PEDS1: variants seen among roughly 807,000 people sequenced by gnomAD.
PEDS1 encodes the protein plasmanylethanolamine desaturase 1, also known as CarF homolog.
PEDS1 carries 14 observed loss-of-function variants against 35.2 expected under a neutral mutation model. The ratio of observed to expected loss-of-function variants is 0.40; its 90% CI spans 0.26 to 0.62. The LOEUF is 0.62. PEDS1 is among the 20% of genes least tolerant of loss of function. The pLI is 0.44. For missense variants in PEDS1, 260 were observed against 367.8 expected (o/e 0.71, Z 2.40); for synonymous variants, 152 against 152.0 (o/e 1.00, Z 0.00).
At position 50,128,314 on chromosome 20, in the gene PEDS1, C is replaced by T. The variant is rs576094834; in HGVS notation, c.479-127G>A. The T allele has an allele frequency of 8.3e-7, 1 of 1,210,372 alleles. No homozygotes were observed. Among genetic ancestry groups the T allele is most frequent in the Middle Eastern group, 2.7e-4 (1 of 3,708 alleles). 75.0% of individuals were successfully genotyped at this position (1,210,372 alleles called of 1,614,324 possible). The stretch of plus-strand genomic sequence containing the variant: ...GGCAAGCACCCAGGATTCTCTTCCA[C>T]CCCCTGCAGGGCCGCAGGCAAGCTC... On this transcript the variant is annotated intron_variant, in intron 4 of 5. Transcript: ENST00000371652. This position sits in a 1 kb window ranked among gnomAD's most constrained non-coding sequence, Gnocchi z 5.2.
intron 2 of PEDS1, among the ~76,000 whole-genome samples, 194 bp downstream of exon 2, chr20:50,143,308 T>C (rs1418268226): frequency 6.6e-6 from 1 of 152,076 alleles, no homozygotes; most frequent in African/African-American, 2.4e-5. Flanking sequence ...CTGAGGATCA[T>C]GTTTAGGTTT....
chr20:50,132,109 C>T (rs940636715), intron 2 of PEDS1, among the ~76,000 whole-genome samples: 2 of 152,118 alleles, frequency 1.3e-5, no homozygotes, highest in African/African-American at 4.8e-5. Context: ...GAGGCTGAAG[C>T]AGGAGAATGG....
At chr20:50,137,723 T>C (rs1169828274) in intron 2 of PEDS1, among the ~76,000 whole-genome samples, 1 of 152,124 alleles carries the variant, frequency 6.6e-6, no homozygotes, top group African/African-American at 2.4e-5. Context: ...ACGCAAAAAT[T>C]AGCCGGGCGT....
chr20:50,128,322 A>C lies in PEDS1; in HGVS notation c.479-135T>G. ...CCCAGGATTCTCTTCCACCCCCTGC[A>C]GGGCCGCAGGCAAGCTCAGGTGCTG... On this transcript the variant is annotated intron_variant, in intron 4 of 5. Coordinates refer to ENST00000371652, the MANE Select transcript of PEDS1 (RefSeq NM_199129.4). The surrounding 1 kb of genome is among the most constrained non-coding windows in gnomAD (Gnocchi z 5.2). 9.1e-7 allele frequency: 1 copy of C among 1,095,854 alleles called. No individual in the cohort carries two copies. The highest frequency in any genetic ancestry group is 1.5e-5 in the South Asian group (1 of 65,526). 67.9% of individuals were successfully genotyped at this position (1,095,854 alleles called of 1,614,324 possible).
Position 50,153,688 on chromosome 20 carries a change from G to A in PEDS1, c.-51C>T, listed in dbSNP as rs1217352920. The A allele has an allele frequency of 3.3e-6, 4 of 1,197,318 alleles. No homozygotes were observed. The highest frequency in any genetic ancestry group is 1.6e-5 in the African/African-American group (1 of 62,722). The allele number at this position is 1,197,318 out of a possible 1,614,324, so 74.2% of individuals were successfully genotyped here. A position where few individuals can be genotyped will look rare whatever the true frequency, so the allele number is the denominator to read the frequency against. On this transcript the variant is annotated 5_prime_UTR_variant, in exon 1 of 6. Coordinates refer to ENST00000371652, the MANE Select transcript of PEDS1 (RefSeq NM_199129.4). Reference sequence around the variant, plus strand: ...CGCTCTGCTGGCGGCGGCGGCGGCAGGGCCGCGGAACCGCGGCGAGATCAC... The same window carrying A: ...CGCTCTGCTGGCGGCGGCGGCGGCAAGGCCGCGGAACCGCGGCGAGATCAC...
intron 2 of PEDS1, among the ~76,000 whole-genome samples, chr20:50,142,003 G>A (rs557410261): frequency 2.8e-4 from 42 of 152,330 alleles, no homozygotes; most frequent in Admixed American, 4.6e-4. Flanking sequence ...CGGGGATGGG[G>A]AGGGGAAGGG....
chr20:50,139,696 T>C (rs111952106), intron 2 of PEDS1, among the ~76,000 whole-genome samples: 5 of 140,838 alleles, frequency 3.6e-5, no homozygotes, highest in South Asian at 2.2e-4. Context: ...TTTTTTTTTT[T>C]CCAGAGGAAG....
At chr20:50,131,001 C>A (rs1045073196) in intron 2 of PEDS1, 54 bp from the exon 3 acceptor site, 2 of 1,613,894 alleles carry the variant, frequency 1.2e-6, no homozygotes, top group Non-Finnish European at 1.7e-6. Context: ...CAATCAGAAT[C>A]ACTCATTCAT....
chr20:50,147,229 T>C (rs1335444521), intron 1 of PEDS1, among the ~76,000 whole-genome samples: 1 of 152,188 alleles, frequency 6.6e-6, no homozygotes, highest in Non-Finnish European at 1.5e-5. Flanking sequence ...GCCCTCAGTT[T>C]TAAAAAGTGA....
At chr20:50,140,878 G>A (rs967808632) in intron 2 of PEDS1, among the ~76,000 whole-genome samples, 9 of 152,124 alleles carry the variant, frequency 5.9e-5, no homozygotes, top group African/African-American at 2.2e-4. Context: ...TATTTAAATC[G>A]ATTAGGGACT....
chr20:50,133,494 C>T lies in PEDS1; in HGVS notation c.242-2547G>A, dbSNP rs78334245. ...CAGCAAGGCCCCAGAGCCTGTGCAC[C>T]CAGTGGCCCTGCTCTGGTCTGGGCA... is the stretch of plus-strand genomic sequence containing the variant. On this transcript the variant is annotated intron_variant, in intron 2 of 5. Coordinates refer to ENST00000371652, the MANE Select transcript of PEDS1 (RefSeq NM_199129.4). 1.0e-3 allele frequency among the ~76,000 whole-genome samples: 156 copies of T among 152,282 alleles called. 3 individuals are homozygous for T. In the East Asian group the frequency reaches 0.029, roughly 28 times the overall value.
At chr20:50,151,350 G>T in intron 1 of PEDS1, 1 of 1,247,268 alleles carries the variant, frequency 8.0e-7, no homozygotes, top group Non-Finnish European at 1.1e-6. Context: ...ATATGCAATT[G>T]ATCGTGGTGG....
intron 2 of PEDS1, among the ~76,000 whole-genome samples, chr20:50,137,331 G>A (rs1293078913): frequency 6.6e-6 from 1 of 152,134 alleles, no homozygotes; most frequent in Non-Finnish European, 1.5e-5. Flanking sequence ...GTGAGCCACC[G>A]CACCCAGCCG....
At position 50,120,524 on chromosome 20, in the gene PEDS1, A is replaced by C. The variant is rs985035952; in HGVS notation, c.*4534T>G. The C allele has an allele frequency of 1.3e-5, 2 of 151,726 alleles. No individual in the cohort carries two copies. Among genetic ancestry groups the C allele is most frequent in the Non-Finnish European group, 2.9e-5 (2 of 68,026 alleles). 9.4% of individuals were successfully genotyped at this position (151,726 alleles called of 1,614,324 possible). On this transcript the variant is annotated 3_prime_UTR_variant, in exon 6 of 6. Transcript: ENST00000371652. ...CATATATATATGTGGGTAGCTTGAA[A>C]AATATTTTTGGTTTATCAAAGGAGG...
chr20:50,140,018 G>A (rs1417958605), intron 2 of PEDS1, among the ~76,000 whole-genome samples: 2 of 152,038 alleles, frequency 1.3e-5, no homozygotes, highest in East Asian at 1.9e-4. Context: ...GCTCAACAGC[G>A]GCCATCTCAA....
At chr20:50,132,601 T>C (rs1289450534) in intron 2 of PEDS1, among the ~76,000 whole-genome samples, 1 of 152,132 alleles carries the variant, frequency 6.6e-6, no homozygotes. Context: ...CGATCTCCTA[T>C]GTATATTGTT....
chr20:50,135,486 C>T (rs566291457), intron 2 of PEDS1, among the ~76,000 whole-genome samples: 5 of 151,764 alleles, frequency 3.3e-5, no homozygotes, highest in African/African-American at 1.2e-4. Flanking sequence ...TGGAGAAACC[C>T]TGTCTCTACT....
rs2081020262 is a variant in PEDS1, at chr20:50,118,266, C to A, written c.*6792G>T. On this transcript the variant is annotated 3_prime_UTR_variant, in exon 6 of 6. Coordinates refer to ENST00000371652, the MANE Select transcript of PEDS1 (RefSeq NM_199129.4). ...AATAACTCAAAGATGACAGTTACAG[C>A]AAATATTTATTGAGCATTTGCCATA... The A allele has an allele frequency of 6.6e-6, 1 of 152,160 alleles. No homozygotes were observed. Among genetic ancestry groups the A allele is most frequent in the Non-Finnish European group, 1.5e-5 (1 of 68,028 alleles). The allele number at this position is 152,160 out of a possible 1,614,324, so 9.4% of individuals were successfully genotyped here.
chr20:50,139,285 G>A (rs1601223255), intron 2 of PEDS1, among the ~76,000 whole-genome samples: 1 of 151,900 alleles, frequency 6.6e-6, no homozygotes, highest in Admixed American at 6.6e-5. Context: ...CCTTCTCCAC[G>A]TGGAACAAAA....
Sources: gnomAD v4.1 joint callset for allele counts (sites outside exome capture counted in the v4.1 genomes callset) on GRCh38, gnomAD v4.1.1 for gene constraint, Gnocchi (gnomAD v3.1) non-coding constraint, MANE v1.5 for transcripts, NCBI Gene and HGNC (gene_info 2026-07-23, HGNC 2026-07-21) for gene names.